Variants in EDA2R observed in about 807,000 individuals in gnomAD.
The protein encoded by EDA2R is tumor necrosis factor receptor superfamily member 27.
Under a neutral mutation model 20.1 loss-of-function variants are expected in EDA2R, and 26 were observed. The ratio of observed to expected loss-of-function variants is 1.30; its 90% CI spans 0.95 to 1.80. EDA2R has a LOEUF of 1.80. EDA2R is among the 40% of genes most tolerant of loss of function. The pLI, the probability that EDA2R is intolerant of heterozygous loss-of-function variation, is 0.00. For missense variants in EDA2R, 277 were observed against 228.7 expected (o/e 1.21, Z -1.36); for synonymous variants, 114 against 88.7 (o/e 1.29, Z -1.60).
At chrX:66,626,790 A>AAGGGG (rs1164681962) in intron 1 of EDA2R, among the ~76,000 whole-genome samples, 3 of 79,676 alleles carry the variant, frequency 3.8e-5, no homozygotes, top group Non-Finnish European at 6.9e-5. Context: ...AAGAGGAGGG[A>AAGGGG]AGGGGAGGGG....
intron 5 of EDA2R, among the ~76,000 whole-genome samples, chrX:66,601,012 T>G (rs1303652966): frequency 8.9e-6 from 1 of 112,034 alleles, no homozygotes; most frequent in Non-Finnish European, 1.9e-5. Context: ...TACACTGGAT[T>G]TAATTCGCAC....
chrX:66,609,429 T>A (rs1602226170), intron 2 of EDA2R, among the ~76,000 whole-genome samples: 1 of 111,670 alleles, frequency 9.0e-6, no homozygotes, highest in East Asian at 2.8e-4. Context: ...ACCAATGGGA[T>A]CTGACATGGG....
chrX:66,616,714 AT>A (rs1931757826), intron 1 of EDA2R, among the ~76,000 whole-genome samples: 2 of 112,256 alleles, frequency 1.8e-5, no homozygotes, highest in Admixed American at 1.9e-4. Context: ...TACTCAGATA[AT>A]AGTTCTTGGA....
intron 6 of EDA2R, among the ~76,000 whole-genome samples, chrX:66,599,004 T>C (rs1185483355): frequency 3.6e-5 from 4 of 112,143 alleles, no homozygotes; most frequent in African/African-American, 1.3e-4. Context: ...ACTTTCCCTC[T>C]CTGTGTCTCA....
chrX:66,604,347 G>A, intron 4 of EDA2R, 74 bp downstream of exon 4: 1 of 943,318 alleles, frequency 1.1e-6, no homozygotes, highest in Non-Finnish European at 1.5e-6. Flanking sequence ...GGGGATATGG[G>A]TAGTCTTTAC....
intron 2 of EDA2R, among the ~76,000 whole-genome samples, chrX:66,606,533 T>C (rs73632131): frequency 0.068 from 7,614 of 111,834 alleles, 641 homozygotes; most frequent in African/African-American, 0.24. Flanking sequence ...CTTATGCCCC[T>C]ACAGAAACAT....
intron 1 of EDA2R, among the ~76,000 whole-genome samples, chrX:66,620,303 G>A (rs188081856): frequency 1.8e-5 from 2 of 111,388 alleles, no homozygotes; most frequent in Non-Finnish European, 1.9e-5. Flanking sequence ...GCTATACTAT[G>A]GTCAATGGAT....
At chrX:66,616,075 C>CTA (rs1931638134) in intron 1 of EDA2R, 45 bp from the exon 2 acceptor site, 4 of 959,444 alleles carry the variant, frequency 4.2e-6, no homozygotes, top group Non-Finnish European at 4.5e-6. Flanking sequence ...TGGGAAGGGA[C>CTA]TATAAGTAGT....
chrX:66,605,045 C>T lies in EDA2R; in HGVS notation c.266+3G>A, dbSNP rs1929402139. 1.7e-6 allele frequency: 2 copies of T among 1,196,393 alleles called. No individual in the cohort carries two copies. The highest frequency in any genetic ancestry group is 3.0e-5 in the East Asian group (1 of 33,312). ...CAAGCTTGGTCTCATAAAGCAAGCTCACCTGGGCAAACAGTCCCCACAGAC... is the reference window on the plus strand; with the variant it reads ...CAAGCTTGGTCTCATAAAGCAAGCTTACCTGGGCAAACAGTCCCCACAGAC... On this transcript the variant is annotated splice_donor_region_variant and intron_variant, in intron 3 of 6. Coordinates refer to ENST00000374719, the MANE Select transcript of EDA2R (RefSeq NM_021783.5).
intron 1 of EDA2R, among the ~76,000 whole-genome samples, chrX:66,623,630 T>C (rs1459339291): frequency 8.9e-6 from 1 of 111,772 alleles, no homozygotes; most frequent in Non-Finnish European, 1.9e-5. Context: ...TGACCTTAAG[T>C]TCTACTACTC....
At chrX:66,614,933 C>T (rs937456558) in intron 2 of EDA2R, among the ~76,000 whole-genome samples, 2 of 111,252 alleles carry the variant, frequency 1.8e-5, no homozygotes, top group Admixed American at 9.6e-5. Context: ...CACTACCTTC[C>T]TCCTTTTCCT....
Position 66,602,677 on chromosome X carries a change from A to G in EDA2R, c.473T>C (p.Phe158Ser). The G allele has an allele frequency of 1.7e-6, 2 of 1,202,254 alleles. No homozygotes were observed. The highest frequency in any genetic ancestry group is 6.0e-5 in the East Asian group (2 of 33,338). Residue 158 changes from phenylalanine to serine, a missense_variant, in exon 5 of 7, where the codon TTC (phenylalanine) becomes TCC (serine). By Grantham distance (155) the Phe-to-Ser change is radical. Transcript: ENST00000374719. ...GAAGAACTGCTTGCAGTAGAGGAAGAAGAGCCCCAGGAAGGCCAGGGTAAA... is the reference window on the plus strand; with the variant it reads ...GAAGAACTGCTTGCAGTAGAGGAAGGAGAGCCCCAGGAAGGCCAGGGTAAA... ...VVFTLAFLGL[F>S]FLYCKQFFNR... is the part of the protein sequence containing the mutation.
chrX:66,628,518 C>T (rs1933358451), intron 1 of EDA2R, among the ~76,000 whole-genome samples: 1 of 110,857 alleles, frequency 9.0e-6, no homozygotes, highest in Admixed American at 9.6e-5. Flanking sequence ...TTAGGACTGA[C>T]ACCACTGAAA....
chrX:66,629,988 T>C (rs900499716), intron 1 of EDA2R, among the ~76,000 whole-genome samples: 3 of 111,442 alleles, frequency 2.7e-5, no homozygotes, highest in Non-Finnish European at 5.7e-5. Flanking sequence ...GGTATATAAA[T>C]AGGCACATAG....
intron 1 of EDA2R, among the ~76,000 whole-genome samples, chrX:66,626,930 C>T (rs1332168338): frequency 4.5e-5 from 5 of 110,748 alleles, no homozygotes; most frequent in African/African-American, 1.6e-4. Flanking sequence ...TCAGCAGAAA[C>T]CCTACAAGCT....
At chrX:66,638,466 C>G (rs1052334335) in intron 1 of EDA2R, among the ~76,000 whole-genome samples, 2 of 110,780 alleles carry the variant, frequency 1.8e-5, no homozygotes, top group African/African-American at 3.3e-5. Context: ...TAACACTGCC[C>G]GGGGCTCAGC....
chrX:66,637,646 G>A (rs1011760600), intron 1 of EDA2R, among the ~76,000 whole-genome samples: 3 of 112,306 alleles, frequency 2.7e-5, no homozygotes, highest in East Asian at 2.8e-4. Context: ...TATTTTCTCT[G>A]CTTAAACTGT....
chrX:66,623,030 G>A (rs1289350261), intron 1 of EDA2R, among the ~76,000 whole-genome samples: 1 of 111,858 alleles, frequency 8.9e-6, no homozygotes, highest in Non-Finnish European at 1.9e-5. Flanking sequence ...TTAGACCAGT[G>A]GTTCTCAGTC....
chrX:66,605,230 T>C lies in EDA2R; in HGVS notation c.88-4A>G, dbSNP rs1358635518. The C allele has an allele frequency of 8.3e-7, 1 of 1,198,730 alleles. No individual in the cohort carries two copies. The highest frequency in any genetic ancestry group is 1.1e-6 in the Non-Finnish European group (1 of 889,044). On this transcript the variant is annotated splice_polypyrimidine_tract_variant and splice_region_variant and intron_variant, in intron 2 of 6. Transcript: ENST00000374719. ...CACCCTCTCCATAACCACAATCCTGTAGACAGATGGGGGTTGTTAATATTG... is the reference window on the plus strand; with the variant it reads ...CACCCTCTCCATAACCACAATCCTGCAGACAGATGGGGGTTGTTAATATTG...
Sources: allele counts gnomAD v4.1 joint callset (sites outside exome capture counted in the v4.1 genomes callset), GRCh38; gene constraint gnomAD v4.1.1; transcripts MANE v1.5; gene names NCBI Gene and HGNC (gene_info 2026-07-23, HGNC 2026-07-21).